Variants in IL1RAPL1 observed in about 807,000 individuals in gnomAD.
IL1RAPL1 encodes interleukin-1 receptor accessory protein-like 1.
In IL1RAPL1, 3 loss-of-function variants were observed where a neutral mutation model predicts 48.4. The ratio of observed to expected loss-of-function variants is 0.06; its 90% CI spans 0.03 to 0.16. IL1RAPL1 has a LOEUF of 0.16. Ranked by LOEUF, IL1RAPL1 falls within the 10% of genes least tolerant of loss-of-function variation. The pLI is 1.00. For synonymous variants in IL1RAPL1, 185 were observed against 187.7 expected (o/e 0.99, Z 0.12); for missense variants, 349 against 530.6 (o/e 0.66, Z 3.36).
intron 2 of IL1RAPL1, among the ~76,000 whole-genome samples, chrX:29,101,582 A>G (rs1928338616): frequency 8.9e-6 from 1 of 112,021 alleles, no homozygotes; most frequent in African/African-American, 3.2e-5. Flanking sequence ...TCCCAGATAA[A>G]CATTGGTGCA....
intron 6 of IL1RAPL1, among the ~76,000 whole-genome samples, chrX:29,830,770 A>G (rs1028599265): frequency 2.7e-4 from 30 of 111,482 alleles, no homozygotes; most frequent in Non-Finnish European, 1.3e-4. Context: ...CTCTTTAAAA[A>G]AGATAGCTGA....
chrX:29,826,160 T>C (rs1378117608), intron 6 of IL1RAPL1, among the ~76,000 whole-genome samples: 4 of 111,821 alleles, frequency 3.6e-5, no homozygotes, highest in African/African-American at 1.3e-4. Context: ...GCTAGTGTTA[T>C]ATCTATGCCT....
chrX:29,781,255 C>A (rs1435887898), intron 6 of IL1RAPL1, among the ~76,000 whole-genome samples: 2 of 111,993 alleles, frequency 1.8e-5, no homozygotes, highest in Non-Finnish European at 3.8e-5. Flanking sequence ...TTAGTTTAAT[C>A]TGTTTTCTTT....
chrX:28,811,941 A>G (rs1039797813), intron 2 of IL1RAPL1, among the ~76,000 whole-genome samples: 1 of 111,152 alleles, frequency 9.0e-6, no homozygotes, highest in Non-Finnish European at 1.9e-5. Context: ...TGTGTGGCCT[A>G]CTAGGTTAGA....
At chrX:28,712,171 G>A (rs1935449116) in intron 1 of IL1RAPL1, among the ~76,000 whole-genome samples, 1 of 110,780 alleles carries the variant, frequency 9.0e-6, no homozygotes, top group Non-Finnish European at 1.9e-5. Context: ...GCTCCTTGAG[G>A]GCCACAGTCA....
intron 2 of IL1RAPL1, among the ~76,000 whole-genome samples, chrX:28,800,190 G>A (rs932421200): frequency 6.3e-5 from 7 of 111,549 alleles, no homozygotes; most frequent in African/African-American, 2.3e-4. Context: ...CTTCCCCTCT[G>A]TGTCTTTAAT....
chrX:29,612,295 C>T (rs150013806), intron 5 of IL1RAPL1, among the ~76,000 whole-genome samples: 8,909 of 110,324 alleles, frequency 0.081, 350 homozygotes, highest in Middle Eastern at 0.18. Context: ...ATGACAGCCC[C>T]AGTATTCTCT....
At chrX:28,640,448 C>G (rs761617167) in intron 1 of IL1RAPL1, among the ~76,000 whole-genome samples, 1 of 110,097 alleles carries the variant, frequency 9.1e-6, no homozygotes, top group African/African-American at 3.3e-5. Flanking sequence ...CAGGTTCATG[C>G]GATCTTCCTG....
chrX:29,857,335 A>T (rs917139263), intron 6 of IL1RAPL1, among the ~76,000 whole-genome samples: 1 of 111,584 alleles, frequency 9.0e-6, no homozygotes, highest in African/African-American at 3.2e-5. Flanking sequence ...AGAGGAAAAA[A>T]CTTCCACAGA....
At chrX:29,168,689 G>GTATATATATATTCATATA (rs1569250888) in intron 2 of IL1RAPL1, among the ~76,000 whole-genome samples, 2,765 of 29,809 alleles carry the variant, frequency 0.093, 1,007 homozygotes, top group Non-Finnish European at 0.17. Flanking sequence ...ATATTCATAT[G>GTATATATATATTCATATA]TACAATTGTA....
At chrX:28,748,679 T>C (rs1387447806) in intron 1 of IL1RAPL1, among the ~76,000 whole-genome samples, 1 of 112,155 alleles carries the variant, frequency 8.9e-6, no homozygotes, top group African/African-American at 3.2e-5. Flanking sequence ...GTTATAATTG[T>C]ACATATTTAT....
intron 3 of IL1RAPL1, among the ~76,000 whole-genome samples, chrX:29,310,949 T>C (rs1361830411): frequency 1.8e-5 from 2 of 112,093 alleles, no homozygotes; most frequent in Non-Finnish European, 3.8e-5. Flanking sequence ...AAAAATCTTA[T>C]TGCCATTTCC....
chrX:29,818,891 C>T (rs750863349), intron 6 of IL1RAPL1, among the ~76,000 whole-genome samples: 4 of 111,930 alleles, frequency 3.6e-5, no homozygotes, highest in East Asian at 5.7e-4. Flanking sequence ...TTAACTAGTG[C>T]GAACCCAGAA....
At chrX:28,649,486 C>T (rs1302738874) in intron 1 of IL1RAPL1, among the ~76,000 whole-genome samples, 1 of 112,372 alleles carries the variant, frequency 8.9e-6, no homozygotes, top group African/African-American at 3.2e-5. Context: ...AAGATCCTTT[C>T]CTGTAAGGTT....
intron 1 of IL1RAPL1, among the ~76,000 whole-genome samples, chrX:28,760,816 G>A (rs550776659): frequency 3.7e-4 from 41 of 110,916 alleles, no homozygotes; most frequent in African/African-American, 1.1e-3. Context: ...GGCTGGGCGC[G>A]GTGGCTCATG....
chrX:29,818,334 C>A (rs1930539574), intron 6 of IL1RAPL1, among the ~76,000 whole-genome samples: 1 of 111,936 alleles, frequency 8.9e-6, no homozygotes, highest in South Asian at 3.7e-4. Flanking sequence ...AATAAGAATG[C>A]CTATATTTTG....
chrX:29,202,194 G>A (rs1265299721), intron 2 of IL1RAPL1, among the ~76,000 whole-genome samples: 1 of 111,713 alleles, frequency 9.0e-6, no homozygotes, highest in Non-Finnish European at 1.9e-5. Context: ...ATAAAAAAGT[G>A]GGCAAAGGAC....
rs1478119528 is a variant in IL1RAPL1, at chrX:28,827,686, T to TAA, written c.82+38262_82+38263insAA. ...AAAGTTTTATTCATTTATTTGTACT[T>TAA]ACAGCAAAGATAAAGTTAGAGAAGT... is the stretch of plus-strand genomic sequence containing the variant. On this transcript the variant is annotated intron_variant, in intron 2 of 10. Coordinates refer to ENST00000378993, the MANE Select transcript of IL1RAPL1 (RefSeq NM_014271.4). Among the ~76,000 whole-genome samples, 10 of 111,963 alleles carry TAA rather than the reference T, an allele frequency of 8.9e-5. 1 individual carries two copies. The highest frequency in any genetic ancestry group is 9.4e-5 in the Non-Finnish European group (5 of 52,993).
chrX:28,882,542 C>T (rs2147314596), intron 2 of IL1RAPL1, among the ~76,000 whole-genome samples: 2 of 111,748 alleles, frequency 1.8e-5, no homozygotes, highest in South Asian at 7.5e-4. Context: ...ACTCAGGAGG[C>T]TGAGGCAGGA....
Sources: allele counts gnomAD v4.1 joint callset (sites outside exome capture counted in the v4.1 genomes callset), GRCh38; gene constraint gnomAD v4.1.1; transcripts MANE v1.5; gene names NCBI Gene and HGNC (gene_info 2026-07-23, HGNC 2026-07-21).